The following LRP2 variants were observed in gnomAD, a reference collection of about 807,000 sequenced individuals.
LRP2 encodes the protein low-density lipoprotein receptor-related protein 2.
Under a neutral mutation model 531.0 loss-of-function variants are expected in LRP2, and 172 were observed. The ratio of observed to expected loss-of-function variants is 0.32; its 90% CI spans 0.29 to 0.37. LRP2 has a LOEUF of 0.37. Among genes scored for constraint, LRP2 ranks in the 10% least tolerant of loss-of-function variants. The probability of loss-of-function intolerance (pLI) is 1.00; values close to 1 mark genes in which losing one functional copy is unlikely to be tolerated. For synonymous variants in LRP2, 1,992 were observed against 2,027.6 expected, an observed-to-expected ratio of 0.98 and a Z score of 0.47; for missense variants, 5,167 against 5,868.3, an observed-to-expected ratio of 0.88 and a Z score of 3.90.
In LRP2 at chr2:169,246,978, C is replaced by A. The variant is rs752290503; in HGVS notation, c.2917G>T (p.Ala973Ser). The A allele has an allele frequency of 3.7e-6, 6 of 1,613,884 alleles. No homozygotes were observed. In the East Asian group the frequency reaches 8.9e-5, roughly 24 times the overall value. ...YDVNIQTGSN[A>S]CNQPTHPNGD... ...TTAGGATGCGTGGGTTGATTACAGG[C>A]GTTAGAACCTGCAAAAGCAAAGCCC... Residue 973 changes from alanine (A) to serine (S), a missense_variant, in exon 21 of 79, where the codon GCC becomes TCC. Physicochemically the swap from Ala to Ser is moderately conservative, Grantham distance 99. Transcript: ENST00000649046.
chr2:169,173,134 A>G lies in LRP2; in HGVS notation c.11105T>C (p.Val3702Ala). 1 of 1,614,124 alleles carries G rather than the reference A, an allele frequency of 6.2e-7. No individual in the cohort carries two copies. Among genetic ancestry groups the G allele is most frequent in the South Asian group, 1.1e-5 (1 of 91,076 alleles). ...CIPKWAVCNG[V>A]DDCRDNSDEQ... Reference sequence around the variant, plus strand: ...ATCACTGTTGTCCCTGCAGTCATCTACACCATTGCACACGGCCCACTTTGG... The same window carrying G: ...ATCACTGTTGTCCCTGCAGTCATCTGCACCATTGCACACGGCCCACTTTGG... The change falls in exon 57 of 79, where the codon GTA (valine) becomes GCA (alanine). Residue 3702 changes from valine to alanine, a missense_variant. Physicochemically the swap from Val to Ala is moderately conservative, Grantham distance 64. This residue lies in a region of LRP2 where 311 missense variants were observed against 309.4 expected (regional missense o/e 1.01). Coordinates refer to ENST00000649046, the MANE Select transcript of LRP2 (RefSeq NM_004525.3).
chr2:169,295,841 G>A (rs1684122268), intron 4 of LRP2, among the ~76,000 whole-genome samples: 1 of 80,506 alleles, frequency 1.2e-5, no homozygotes, highest in Admixed American at 9.8e-5. Context: ...TTTCACAAAT[G>A]TGGATATCTT....
rs541986186 is a variant in LRP2 at position 169,240,875 on chromosome 2, A to G, written c.4045+113T>C. ...CCCCTACACAGATGTGAACTCATAGAGGAACTGAAATCCTTCCTACAAAGC... is the reference window on the plus strand; with the variant it reads ...CCCCTACACAGATGTGAACTCATAGGGGAACTGAAATCCTTCCTACAAAGC... On this transcript the variant is annotated intron_variant, in intron 25 of 78. Coordinates refer to ENST00000649046, the MANE Select transcript of LRP2 (RefSeq NM_004525.3). 26 of 1,268,408 alleles carry G rather than the reference A, an allele frequency of 2.0e-5. No individual in the cohort carries two copies. The East Asian group carries it at 6.0e-4, about 29-fold the overall frequency. 78.6% of individuals were successfully genotyped at this position (1,268,408 alleles called of 1,614,324 possible).
Position 169,146,750 on chromosome 2 carries a change from A to G in LRP2, c.12800T>C (p.Ile4267Thr). Residue 4267 changes from isoleucine to threonine, a missense_variant, in exon 69 of 79, where the codon ATT (isoleucine) becomes ACT (threonine). By Grantham distance (89) the Ile-to-Thr change is moderately conservative. Around this residue, in one of 6 missense-constraint regions of LRP2, gnomAD observed 564 missense variants for 747.7 expected, o/e 0.75. Coordinates refer to ENST00000649046, the MANE Select transcript of LRP2 (RefSeq NM_004525.3). ...AACTAATTTCTAACCTTCCTTTGCAATGACTCTCCTATCAGTCCCATCATA... is the reference window on the plus strand; with the variant it reads ...AACTAATTTCTAACCTTCCTTTGCAGTGACTCTCCTATCAGTCCCATCATA... Reference protein sequence around the residue: ...IKYDGTDRRVIAKEAMNPYSL... With the variant: ...IKYDGTDRRVTAKEAMNPYSL... 1 of 1,612,448 alleles carries G rather than the reference A, an allele frequency of 6.2e-7. No homozygotes were observed. The highest frequency in any genetic ancestry group is 8.5e-7 in the Non-Finnish European group (1 of 1,178,460).
rs751888006 is a variant in LRP2 at position 169,128,747 on chromosome 2, T to C, written c.13884A>G (p.Arg4628=). 2.5e-6 allele frequency: 4 copies of C among 1,614,140 alleles called. No individual in the cohort carries two copies. The South Asian group carries it at 4.4e-5, about 18-fold the overall frequency. The part of the protein sequence containing the change: ...SLPAKPKPPS[R]RDPTPTYSAT... Reference sequence around the variant, plus strand: ...CAGAATAGGTTGGAGTTGGGTCTCTTCTCGAAGGAGGCTTAGGCTTAGCAG... The same window carrying C: ...CAGAATAGGTTGGAGTTGGGTCTCTCCTCGAAGGAGGCTTAGGCTTAGCAG... The change falls in exon 79 of 79, where the codon AGA becomes AGG. Residue 4628 remains arginine, a synonymous_variant. Transcript: ENST00000649046.
intron 63 of LRP2, among the ~76,000 whole-genome samples, chr2:169,158,343 A>G (rs1249004335): frequency 8.8e-6 from 1 of 113,400 alleles, no homozygotes; most frequent in Non-Finnish European, 2.0e-5. Context: ...AATATTTACA[A>G]TAAGAACATT....
At chr2:169,220,344 A>G (rs1688944461) in intron 34 of LRP2, 110 bp downstream of exon 34, 1 of 788,086 alleles carries the variant, frequency 1.3e-6, no homozygotes, top group South Asian at 1.4e-5. Flanking sequence ...TCAAATGTTG[A>G]CATATGAAAT....
chr2:169,276,430 TG>T (rs1321876088), intron 13 of LRP2, among the ~76,000 whole-genome samples: 7 of 152,196 alleles, frequency 4.6e-5, no homozygotes, highest in Admixed American at 6.5e-5. Flanking sequence ...TATAATATAA[TG>T]CTAAAACATC....
intron 2 of LRP2, among the ~76,000 whole-genome samples, chr2:169,320,207 T>C (rs1373891409): frequency 6.6e-6 from 1 of 152,242 alleles, no homozygotes; most frequent in Non-Finnish European, 1.5e-5. Flanking sequence ...ACAAAATGAA[T>C]GTGAAAGTCA....
rs192492891 is a variant in LRP2 at position 169,157,304 on chromosome 2, G to C, written c.12019+67C>G. ...ATTAAATAGTGATTTATTTAACAAA[G>C]GGGAGTGGGTGGAGAACCTTAGATG... On this transcript the variant is annotated intron_variant, in intron 64 of 78. Transcript: ENST00000649046. 50 of 1,484,334 alleles carry C rather than the reference G, an allele frequency of 3.4e-5. No homozygotes were observed. The East Asian group carries it at 1.1e-3, about 32-fold the overall frequency. The allele number at this position is 1,484,334 out of a possible 1,614,324, so 91.9% of individuals were successfully genotyped here.
intron 3 of LRP2, 95 bp downstream of exon 3, chr2:169,318,667 T>C: frequency 6.4e-7 from 1 of 1,561,946 alleles, no homozygotes; most frequent in Non-Finnish European, 8.8e-7. Context: ...GCTCCACATT[T>C]ATAAAGAATC....
rs570975105 is a variant in LRP2, at chr2:169,270,180, T to C, written c.2320+724A>G. Among the ~76,000 whole-genome samples, 4 of 152,288 alleles carry C rather than the reference T, an allele frequency of 2.6e-5. No individual in the cohort carries two copies. The South Asian group carries it at 8.3e-4, about 32-fold the overall frequency. On this transcript the variant is annotated intron_variant, in intron 16 of 78. Coordinates refer to ENST00000649046, the MANE Select transcript of LRP2 (RefSeq NM_004525.3). ...GAGGGACTGTAAACTAGTTCAACCATTGTGGAAGACAGTGTGGAGATTCCT... is the reference window on the plus strand; with the variant it reads ...GAGGGACTGTAAACTAGTTCAACCACTGTGGAAGACAGTGTGGAGATTCCT...
At chr2:169,269,222 A>G (rs1683328074) in intron 16 of LRP2, among the ~76,000 whole-genome samples, 1 of 152,176 alleles carries the variant, frequency 6.6e-6, no homozygotes, top group Non-Finnish European at 1.5e-5. Context: ...CAAGCTACCA[A>G]TGACTTTCTT....
At chr2:169,134,269 A>G (rs918498231) in intron 76 of LRP2, among the ~76,000 whole-genome samples, 12 of 152,166 alleles carry the variant, frequency 7.9e-5, no homozygotes, top group Non-Finnish European at 1.3e-4. Flanking sequence ...TACAGTTCTC[A>G]TAACTTCCAA....
At chr2:169,283,069 A>G (rs1354254317) in intron 9 of LRP2, 68 bp from the exon 10 acceptor site, 5 of 1,549,280 alleles carry the variant, frequency 3.2e-6, no homozygotes, top group Non-Finnish European at 3.5e-6. Flanking sequence ...TCTGACAAAA[A>G]TCCTAGATAA....
chr2:169,265,521 T>A (rs1225828212), intron 16 of LRP2, among the ~76,000 whole-genome samples: 1 of 152,098 alleles, frequency 6.6e-6, no homozygotes, highest in Non-Finnish European at 1.5e-5. Flanking sequence ...TAATTTTTAA[T>A]GTCATATCCA....
intron 29 of LRP2, among the ~76,000 whole-genome samples, chr2:169,234,289 C>T (rs771526646): frequency 5.9e-5 from 9 of 152,064 alleles, no homozygotes; most frequent in Non-Finnish European, 1.0e-4. Flanking sequence ...TAATGCTCTC[C>T]CTCCCCTTGC....
At chr2:169,189,783 A>G (rs1420880271) in intron 48 of LRP2, among the ~76,000 whole-genome samples, 5 of 141,936 alleles carry the variant, frequency 3.5e-5, no homozygotes, top group African/African-American at 1.2e-4. Flanking sequence ...CTGATAGCTC[A>G]GGTTTTCAAA....
chr2:169,340,028 C>T (rs1685521742), intron 1 of LRP2, among the ~76,000 whole-genome samples: 1 of 152,030 alleles, frequency 6.6e-6, no homozygotes. Flanking sequence ...AAGTCAAATT[C>T]CAGCATTCTT....
Sources: gnomAD v4.1 joint callset for allele counts (sites outside exome capture counted in the v4.1 genomes callset) on GRCh38, gnomAD v4.1.1 for gene constraint, gnomAD v4.1.1 regional missense constraint, MANE v1.5 for transcripts, NCBI Gene and HGNC (gene_info 2026-07-23, HGNC 2026-07-21) for gene names.